The following ST6GAL2 variants were observed in gnomAD, a reference collection of about 807,000 sequenced individuals.
ST6GAL2 encodes ST6 beta-galactoside alpha-2,6-sialyltransferase 2, also known as beta-galactoside alpha-2,6-sialyltransferase 2.
A neutral mutation model predicts 37.5 loss-of-function variants in ST6GAL2; 24 were observed. That is an observed-to-expected ratio of 0.64 (90% CI 0.46 to 0.90). The LOEUF (loss-of-function observed/expected upper bound fraction) is 0.90. ST6GAL2 is among the 40% of genes least tolerant of loss of function. The pLI is 0.00. For missense variants in ST6GAL2, 715 were observed against 712.7 expected (o/e 1.00, Z -0.04); for synonymous variants, 306 against 295.1 (o/e 1.04, Z -0.38).
chr2:106,848,909 T>A (rs543706679), intron 1 of ST6GAL2, among the ~76,000 whole-genome samples: 17 of 152,318 alleles, frequency 1.1e-4, no homozygotes, highest in Admixed American at 7.8e-4. Context: ...CTCAGATCAC[T>A]GCACCTCCTC....
intron 1 of ST6GAL2, among the ~76,000 whole-genome samples, chr2:106,878,053 G>A (rs1043715071): frequency 2.0e-5 from 3 of 152,174 alleles, no homozygotes; most frequent in Non-Finnish European, 4.4e-5. Flanking sequence ...AAATCTGTAC[G>A]CCCGTCACAG....
At chr2:106,828,817 T>C (rs1003436144) in intron 5 of ST6GAL2, among the ~76,000 whole-genome samples, 3 of 142,542 alleles carry the variant, frequency 2.1e-5, no homozygotes, top group African/African-American at 8.2e-5. Context: ...GTCTAGGATA[T>C]TCCTTAATAT....
chr2:106,802,124 A>T lies in ST6GAL2; in HGVS notation c.*4554T>A, dbSNP rs1675277952. ...TAATTCTGTCAGTCCATTTTAATGT[A>T]GCCAAGATGTGCAGAGTATGAGTGT... On this transcript the variant is annotated 3_prime_UTR_variant, in exon 6 of 6. Coordinates refer to ENST00000409382, the MANE Select transcript of ST6GAL2 (RefSeq NM_001142351.2). 1 of 152,222 alleles carries T rather than the reference A, an allele frequency of 6.6e-6. No homozygotes were observed. The highest frequency in any genetic ancestry group is 1.5e-5 in the Non-Finnish European group (1 of 68,048). The allele number at this position is 152,222 out of a possible 1,614,324, so 9.4% of individuals were successfully genotyped here.
chr2:106,833,394 T>C (rs1676502311), intron 3 of ST6GAL2, among the ~76,000 whole-genome samples: 1 of 152,222 alleles, frequency 6.6e-6, no homozygotes. Context: ...TTTCTTACCT[T>C]GCGGCAGGCT....
chr2:106,857,979 CA>C (rs1287163653), intron 1 of ST6GAL2, among the ~76,000 whole-genome samples: 4 of 152,176 alleles, frequency 2.6e-5, no homozygotes, highest in Non-Finnish European at 5.9e-5. Context: ...CTGAATATTA[CA>C]AAATAATTTT....
intron 2 of ST6GAL2, among the ~76,000 whole-genome samples, 199 bp downstream of exon 2, chr2:106,842,836 T>A (rs1054477086): frequency 6.6e-6 from 1 of 152,122 alleles, no homozygotes; most frequent in Non-Finnish European, 1.5e-5. Flanking sequence ...GAAGAGTACT[T>A]CTGCTGTGAC....
At chr2:106,840,325 T>C (rs1573251435) in intron 2 of ST6GAL2, among the ~76,000 whole-genome samples, 1 of 152,218 alleles carries the variant, frequency 6.6e-6, no homozygotes, top group African/African-American at 2.4e-5. Context: ...CCAGAGTTTG[T>C]TTGTATTCTG....
Position 106,809,052 on chromosome 2 carries a change from A to C in ST6GAL2, c.1319-2103T>G, listed in dbSNP as rs1228880809. On this transcript the variant is annotated intron_variant, in intron 5 of 5. Transcript: ENST00000409382. ...ACAAAAAAACCTTAAACAAACAAGA[A>C]GTGCTCTGGTGTGAATGTTCTCTGG... Among the ~76,000 whole-genome samples, 3 of 152,324 alleles carry C rather than the reference A, an allele frequency of 2.0e-5. 1 individual carries two copies. Among genetic ancestry groups the C allele is most frequent in the Middle Eastern group, 6.8e-3 (2 of 294 alleles).
Position 106,821,303 on chromosome 2 carries a change from A to G in ST6GAL2, c.1318+8763T>C, listed in dbSNP as rs556855119. On this transcript the variant is annotated intron_variant, in intron 5 of 5. Transcript: ENST00000409382. ...TAAAGTTAGAGATGAAAAAGGAGACATAATACAACTGATGTCACAAAAATC... is the reference window on the plus strand; with the variant it reads ...TAAAGTTAGAGATGAAAAAGGAGACGTAATACAACTGATGTCACAAAAATC... Among the ~76,000 whole-genome samples, 4 of 151,722 alleles carry G rather than the reference A, an allele frequency of 2.6e-5. No homozygotes were observed. The East Asian group carries it at 7.7e-4, about 29-fold the overall frequency.
chr2:106,885,743 G>C (rs961735731), intron 1 of ST6GAL2: 1 of 152,176 alleles, frequency 6.6e-6, no homozygotes, highest in African/African-American at 2.4e-5. Flanking sequence ...TAGCCACAGA[G>C]AACCAGAAAT....
intron 1 of ST6GAL2, among the ~76,000 whole-genome samples, chr2:106,846,878 A>G (rs1038504743): frequency 6.6e-6 from 1 of 152,182 alleles, no homozygotes; most frequent in African/African-American, 2.4e-5. Flanking sequence ...CCAGCATCGA[A>G]TTAGATAGGA....
Position 106,866,665 on chromosome 2 carries a change from C to T in ST6GAL2, c.-58+19428G>A, listed in dbSNP as rs949596640. Among the ~76,000 whole-genome samples the T allele has an allele frequency of 1.1e-4, 17 of 152,326 alleles. No individual in the cohort carries two copies. The East Asian group carries it at 2.7e-3, about 24-fold the overall frequency. On this transcript the variant is annotated intron_variant, in intron 1 of 5. Coordinates refer to ENST00000409382, the MANE Select transcript of ST6GAL2 (RefSeq NM_001142351.2). ...AAACACAACCGACCAAGGCCCCTAT[C>T]ATGTCCTTTCTTATTTCCTTATATT...
chr2:106,826,614 A>G (rs1294341332), intron 5 of ST6GAL2, among the ~76,000 whole-genome samples: 1 of 152,052 alleles, frequency 6.6e-6, no homozygotes, highest in African/African-American at 2.4e-5. Flanking sequence ...GCCCCAAGCC[A>G]TGAAGGATCT....
At chr2:106,817,164 G>T (rs928066135) in intron 5 of ST6GAL2, among the ~76,000 whole-genome samples, 6 of 152,186 alleles carry the variant, frequency 3.9e-5, no homozygotes, top group African/African-American at 1.4e-4. Flanking sequence ...CCATTCCTGG[G>T]CATGTCCTAG....
intron 5 of ST6GAL2, among the ~76,000 whole-genome samples, chr2:106,816,739 C>A (rs896445572): frequency 3.3e-5 from 5 of 152,082 alleles, no homozygotes; most frequent in Admixed American, 1.3e-4. Flanking sequence ...ACTATCCACA[C>A]AAAAAAAGCA....
chr2:106,808,851 C>CA (rs1175716862), intron 5 of ST6GAL2, among the ~76,000 whole-genome samples: 1 of 152,070 alleles, frequency 6.6e-6, no homozygotes, highest in Non-Finnish European at 1.5e-5. Flanking sequence ...ACTAAAAATA[C>CA]AAAAAACTAG....
intron 5 of ST6GAL2, among the ~76,000 whole-genome samples, chr2:106,810,856 G>A (rs979697931): frequency 1.3e-5 from 2 of 152,172 alleles, no homozygotes; most frequent in African/African-American, 2.4e-5. Flanking sequence ...AGAGGCTGAG[G>A]TGGCAGGATC....
Position 106,858,902 on chromosome 2 carries a change from AG to A in ST6GAL2, c.-57-14869del, listed in dbSNP as rs1382101704. Among the ~76,000 whole-genome samples the A allele has an allele frequency of 5.3e-4, 80 of 152,290 alleles. 4 individuals carry two copies. The East Asian group carries it at 0.015, about 29-fold the overall frequency. ...TTGTCTGTGCTCAGAATGGCAAGGG[AG>A]GACAGCCAGATGGGCCCCAAAAAAG... is the stretch of plus-strand genomic sequence containing the variant. On this transcript the variant is annotated intron_variant, in intron 1 of 5. Coordinates refer to ENST00000409382, the MANE Select transcript of ST6GAL2 (RefSeq NM_001142351.2).
intron 2 of ST6GAL2, among the ~76,000 whole-genome samples, chr2:106,836,419 G>T (rs1676640051): frequency 6.6e-6 from 1 of 152,066 alleles, no homozygotes. Flanking sequence ...TTACAATTTG[G>T]AATCTGAAAC....
Sources: gnomAD v4.1 joint callset for allele counts (sites outside exome capture counted in the v4.1 genomes callset) on GRCh38, gnomAD v4.1.1 for gene constraint, MANE v1.5 for transcripts, NCBI Gene and HGNC (gene_info 2026-07-23, HGNC 2026-07-21) for gene names.